SMOC2: variants seen among roughly 807,000 people sequenced by gnomAD.
SMOC2 encodes the protein SPARC-related modular calcium-binding protein 2.
In SMOC2, 39 loss-of-function variants were observed where a neutral mutation model predicts 61.4. That is an observed-to-expected ratio of 0.64 (90% CI 0.49 to 0.83). The LOEUF (loss-of-function observed/expected upper bound fraction) is 0.83. Among genes scored for constraint, SMOC2 ranks in the 40% least tolerant of loss-of-function variants. The probability of loss-of-function intolerance (pLI) is 0.00; values close to 1 mark genes in which losing one functional copy is unlikely to be tolerated. For missense variants in SMOC2, 556 were observed against 592.9 expected (o/e 0.94, Z 0.65); for synonymous variants, 247 against 239.9 (o/e 1.03, Z -0.27).
intron 4 of SMOC2, among the ~76,000 whole-genome samples, chr6:168,529,155 C>G (rs1040537094): frequency 6.6e-6 from 1 of 152,220 alleles, no homozygotes; most frequent in African/African-American, 2.4e-5. Flanking sequence ...CATCTACTCA[C>G]GTTGTTGCTT....
rs1020274228 is a variant in SMOC2 at position 168,618,611 on chromosome 6, T to C, written c.907+10372T>C. On this transcript the variant is annotated intron_variant, in intron 9 of 12. Transcript: ENST00000356284. ...AAGAGGAGAGTTGAGGAGAGGCAGGTAGTGGCATTAAGAGGCGAGTCAAGG... is the reference window on the plus strand; with the variant it reads ...AAGAGGAGAGTTGAGGAGAGGCAGGCAGTGGCATTAAGAGGCGAGTCAAGG... Among the ~76,000 whole-genome samples the C allele has an allele frequency of 1.1e-4, 16 of 151,506 alleles. 1 individual carries two copies. Among genetic ancestry groups the C allele is most frequent in the African/African-American group, 3.6e-4 (15 of 41,172 alleles).
intron 1 of SMOC2, among the ~76,000 whole-genome samples, chr6:168,457,332 C>T (rs1266967397): frequency 6.6e-6 from 1 of 152,226 alleles, no homozygotes; most frequent in Admixed American, 6.5e-5. Context: ...GTGACGCCAG[C>T]CACGGGGATG....
chr6:168,658,743 G>A (rs1043074533), intron 11 of SMOC2, among the ~76,000 whole-genome samples: 7 of 152,152 alleles, frequency 4.6e-5, no homozygotes, highest in East Asian at 1.9e-4. Flanking sequence ...GGGATGAAAC[G>A]ATTTCAAGAT....
intron 7 of SMOC2, among the ~76,000 whole-genome samples, chr6:168,551,061 G>A (rs1038562603): frequency 4.6e-5 from 7 of 152,122 alleles, no homozygotes; most frequent in Admixed American, 6.5e-5. Context: ...TCATGAGGGC[G>A]GTTCCCCCCA....
At chr6:168,547,055 A>G in intron 5 of SMOC2, 64 bp from the exon 6 acceptor site, 1 of 1,604,634 alleles carries the variant, frequency 6.2e-7, no homozygotes, top group Non-Finnish European at 8.5e-7. Context: ...ACCCGTATGC[A>G]CACTTACTTA....
chr6:168,457,774 G>T (rs543289168), intron 1 of SMOC2, among the ~76,000 whole-genome samples: 1 of 152,140 alleles, frequency 6.6e-6, no homozygotes, highest in Non-Finnish European at 1.5e-5. Context: ...CCAGCTCGGC[G>T]AAGGCCTGGA....
intron 9 of SMOC2, among the ~76,000 whole-genome samples, chr6:168,638,075 G>A (rs1786791680): frequency 7.2e-6 from 1 of 138,380 alleles, no homozygotes. Context: ...GCCCCACCCT[G>A]CCCTGCCCCT....
intron 1 of SMOC2, among the ~76,000 whole-genome samples, chr6:168,483,246 G>T (rs1782252429): frequency 6.6e-6 from 1 of 151,736 alleles, no homozygotes; most frequent in Non-Finnish European, 1.5e-5. Context: ...CAGAAAAGTA[G>T]CAGGATATAG....
In SMOC2 at chr6:168,510,006, C is replaced by A; in HGVS notation, c.176C>A (p.Thr59Asn). 1.9e-6 allele frequency: 3 copies of A among 1,614,226 alleles called. No individual in the cohort carries two copies. Among genetic ancestry groups the A allele is most frequent in the Non-Finnish European group, 2.5e-6 (3 of 1,180,040 alleles). ...CCTCTCTGCGCATCTGACGGAAGGA[C>A]CTTCCTTTCCCGTTGTGAATTTCAA... ...QKPLCASDGR[T>N]FLSRCEFQRA... Residue 59 changes from threonine to asparagine, a missense_variant, in exon 2 of 13, where the codon ACC becomes AAC. By Grantham distance (65) the Thr-to-Asn change is moderately conservative (BLOSUM62 0). Transcript: ENST00000356284.
intron 4 of SMOC2, among the ~76,000 whole-genome samples, chr6:168,533,625 G>C (rs1288335103): frequency 6.6e-6 from 1 of 152,204 alleles, no homozygotes; most frequent in African/African-American, 2.4e-5. Context: ...TTCAGGGCCA[G>C]TGTGCAGTGG....
chr6:168,599,684 TCA>T (rs1562373256), intron 8 of SMOC2, among the ~76,000 whole-genome samples: 5 of 87,448 alleles, frequency 5.7e-5, no homozygotes, highest in Non-Finnish European at 1.1e-4. Context: ...CTACACACTC[TCA>T]CACTCTCACA....
At chr6:168,614,084 A>G (rs9766357) in intron 9 of SMOC2, among the ~76,000 whole-genome samples, 2,289 of 95,402 alleles carry the variant, frequency 0.024, 255 homozygotes, top group Admixed American at 0.11. Context: ...CAGCCAGCAC[A>G]GGGCCTCTTC....
intron 1 of SMOC2, among the ~76,000 whole-genome samples, chr6:168,495,630 G>A (rs1035939884): frequency 1.3e-5 from 2 of 152,070 alleles, no homozygotes; most frequent in African/African-American, 4.8e-5. Flanking sequence ...TCCTCCTGGG[G>A]AGCAGCGCTT....
chr6:168,625,200 C>T (rs1786370458), intron 9 of SMOC2, among the ~76,000 whole-genome samples: 1 of 152,244 alleles, frequency 6.6e-6, no homozygotes, highest in African/African-American at 2.4e-5. Flanking sequence ...CGTGGGTCGT[C>T]CTCACCGTGA....
At chr6:168,576,658 A>G (rs2115151401) in intron 7 of SMOC2, among the ~76,000 whole-genome samples, 1 of 152,108 alleles carries the variant, frequency 6.6e-6, no homozygotes, top group Non-Finnish European at 1.5e-5. Flanking sequence ...AGGAGCTCTA[A>G]GTGCAGTGGG....
At chr6:168,526,244 C>G in intron 2 of SMOC2, 102 bp from the exon 3 acceptor site, 5 of 1,037,534 alleles carry the variant, frequency 4.8e-6, no homozygotes, top group Non-Finnish European at 7.3e-6. Context: ...AGGTCCTCAG[C>G]ACTCCTGCCT....
At position 168,457,603 on chromosome 6, in the gene SMOC2, G is replaced by C. The variant is rs541071194; in HGVS notation, c.84+16149G>C. 2.6e-3 allele frequency among the ~76,000 whole-genome samples: 393 copies of C among 152,270 alleles called. 7 individuals are homozygous for C. The highest frequency in any genetic ancestry group is 2.6e-4 in the Non-Finnish European group (18 of 68,024). On this transcript the variant is annotated intron_variant, in intron 1 of 12. Transcript: ENST00000356284. ...AGCCCCGCGTCACGTCCTTCCAGCC[G>C]TGCTTGTGATCACTGCCGGGGTGGG...
chr6:168,546,976 C>G (rs112812330), intron 5 of SMOC2, 143 bp from the exon 6 acceptor site: 1 of 908,462 alleles, frequency 1.1e-6, no homozygotes, highest in East Asian at 2.4e-5. Context: ...CAGGCAGCAT[C>G]GCGTTGGGTC....
chr6:168,499,459 T>C (rs1390595893), intron 1 of SMOC2, among the ~76,000 whole-genome samples: 1 of 152,232 alleles, frequency 6.6e-6, no homozygotes, highest in Non-Finnish European at 1.5e-5. Context: ...TCTGATCTTT[T>C]GTGCGTTGCA....
Sources: gnomAD v4.1 joint callset for allele counts (sites outside exome capture counted in the v4.1 genomes callset) on GRCh38, gnomAD v4.1.1 for gene constraint, MANE v1.5 for transcripts, NCBI Gene and HGNC (gene_info 2026-07-23, HGNC 2026-07-21) for gene names.